ARHGAP33: variants seen among roughly 807,000 people sequenced by gnomAD.
ARHGAP33 encodes the protein rho GTPase-activating protein 33.
In ARHGAP33, 57 loss-of-function variants were observed where a neutral mutation model predicts 126.2. That is an observed-to-expected ratio of 0.45 (90% confidence interval 0.36 to 0.56). ARHGAP33 has a LOEUF of 0.56. Among genes scored for constraint, ARHGAP33 ranks in the 20% least tolerant of loss-of-function variants. ARHGAP33 has a pLI of 0.00. For missense variants in ARHGAP33, 1,500 were observed against 1,748.3 expected, an observed-to-expected ratio of 0.86 and a Z score of 2.53; for synonymous variants, 711 against 755.0, an observed-to-expected ratio of 0.94 and a Z score of 0.95.
In ARHGAP33 at chr19:35,782,318, C is replaced by A; in HGVS notation, c.1086-55C>A. 2 of 1,564,742 alleles carry A rather than the reference C, an allele frequency of 1.3e-6. No individual in the cohort carries two copies. Among genetic ancestry groups the A allele is most frequent in the Non-Finnish European group, 1.7e-6 (2 of 1,148,362 alleles). Reference sequence around the variant, plus strand: ...GGTAGGGGCAAGGGGAGCATGGCCACGTGAGCGAGCCCCTCTGACCTGGAT... The same window carrying A: ...GGTAGGGGCAAGGGGAGCATGGCCAAGTGAGCGAGCCCCTCTGACCTGGAT... On this transcript the variant is annotated intron_variant, in intron 12 of 20. Transcript: ENST00000007510. This position sits in a 1 kb window ranked among gnomAD's most constrained non-coding sequence, Gnocchi z 4.1.
rs1239682948 is a variant in ARHGAP33, at chr19:35,786,871, G to A, written c.2401G>A (p.Val801Ile). The change falls in exon 20 of 21, where the codon GTA (valine) becomes ATA (isoleucine). Residue 801 changes from valine (V) to isoleucine (I), a missense_variant. Transcript: ENST00000007510. This position sits in a 1 kb window ranked among gnomAD's most constrained non-coding sequence, Gnocchi z 7.0. ...AALDISEPLA[V>I]SVPPAVLELL... The stretch of plus-strand genomic sequence containing the variant: ...CCTAGACATCTCAGAGCCCCTGGCT[G>A]TATCAGTGCCACCCGCTGTCCTAGA... 1 of 1,604,496 alleles carries A rather than the reference G, an allele frequency of 6.2e-7. No individual in the cohort carries two copies. Among genetic ancestry groups the A allele is most frequent in the Non-Finnish European group, 8.5e-7 (1 of 1,177,616 alleles).
intron 1 of ARHGAP33, among the ~76,000 whole-genome samples, chr19:35,776,102 C>G (rs3810452): frequency 7.3e-6 from 1 of 136,928 alleles, no homozygotes; most frequent in Non-Finnish European, 1.6e-5. Flanking sequence ...CCCCACCCCC[C>G]ACCCGCTCCA....
chr19:35,788,456 C>T lies in ARHGAP33; in HGVS notation c.*27C>T. 6.7e-7 allele frequency: 1 copy of T among 1,494,712 alleles called. No homozygotes were observed. Among genetic ancestry groups the T allele is most frequent in the Non-Finnish European group, 8.9e-7 (1 of 1,120,250 alleles). 92.6% of individuals were successfully genotyped at this position (1,494,712 alleles called of 1,614,324 possible). A position where few individuals can be genotyped will look rare whatever the true frequency, so the allele number is the denominator to read the frequency against. Reference sequence around the variant, plus strand: ...CACCAGCTGGGAGGGGCCGTCCTTCCTTCCCTTCACCCTCACTGGATCTTG... The same window carrying T: ...CACCAGCTGGGAGGGGCCGTCCTTCTTTCCCTTCACCCTCACTGGATCTTG... On this transcript the variant is annotated 3_prime_UTR_variant, in exon 21 of 21. Transcript: ENST00000007510.
rs187189822 is a variant in ARHGAP33, at chr19:35,787,183, C to T, written c.2618C>T (p.Ser873Leu). 2.5e-6 allele frequency: 4 copies of T among 1,610,904 alleles called. No individual in the cohort carries two copies. Among genetic ancestry groups the T allele is most frequent in the East Asian group, 2.2e-5 (1 of 44,854 alleles). The change falls in exon 21 of 21, where the codon TCA (serine) becomes TTA (leucine). Residue 873 changes from serine (S) to leucine (L), a missense_variant. Physicochemically the swap from Ser to Leu is moderately radical, Grantham distance 145. Coordinates refer to ENST00000007510, the MANE Select transcript of ARHGAP33 (RefSeq NM_001366178.1). ...AQGPLGPDME[S>L]PLPPPPLSLL... ...ATTTATATAGGTCCTGATATGGAGT[C>T]ACCACTGCCACCCCCTCCCCTGTCT...
rs561150729 is a variant in ARHGAP33 at position 35,788,163 on chromosome 19, G to C, written c.3598G>C (p.Gly1200Arg). 10 of 1,474,568 alleles carry C rather than the reference G, an allele frequency of 6.8e-6. No homozygotes were observed. The highest frequency in any genetic ancestry group is 1.2e-5 in the South Asian group (1 of 86,260). 91.3% of individuals were successfully genotyped at this position (1,474,568 alleles called of 1,614,324 possible). ...PAHPRSRSDPGPPVPRLPQKQ... is the reference protein window; with the variant it reads ...PAHPRSRSDPRPPVPRLPQKQ... ...CCACCCCCGAAGCCGTTCAGATCCC[G>C]GTCCCCCAGTCCCCCGCCTTCCCCA... Residue 1200 changes from glycine to arginine, a missense_variant, in exon 21 of 21, where the codon GGT (glycine) becomes CGT (arginine). Gly to Arg is a moderately radical substitution (Grantham distance 125, BLOSUM62 -2). Coordinates refer to ENST00000007510, the MANE Select transcript of ARHGAP33 (RefSeq NM_001366178.1).
chr19:35,788,532 C>T lies in ARHGAP33; in HGVS notation c.*103C>T. ...TTTTCTTGAACCCCGACCACTACCC[C>T]AGGTTTCTAACTTTGTAACTTGCTT... On this transcript the variant is annotated 3_prime_UTR_variant, in exon 21 of 21. Transcript: ENST00000007510. 1 of 1,084,914 alleles carries T rather than the reference C, an allele frequency of 9.2e-7. No individual in the cohort carries two copies. Among genetic ancestry groups the T allele is most frequent in the Non-Finnish European group, 1.3e-6 (1 of 787,192 alleles). The allele number at this position is 1,084,914 out of a possible 1,614,324, so 67.2% of individuals were successfully genotyped here.
intron 5 of ARHGAP33, 199 bp downstream of exon 5, chr19:35,778,800 A>T: frequency 1.1e-6 from 1 of 946,224 alleles, no homozygotes. Context: ...GATCATGGGG[A>T]GTTCCAGGGG....
At chr19:35,780,030 C>T (rs761155079) in intron 6 of ARHGAP33, 181 bp from the exon 7 acceptor site, 13 of 874,758 alleles carry the variant, frequency 1.5e-5, no homozygotes, top group African/African-American at 4.9e-5. Context: ...TTTCCCCACC[C>T]GCAGAGGGTG....
chr19:35,776,066 C>T (rs1971441394), intron 1 of ARHGAP33, among the ~76,000 whole-genome samples: 1 of 150,786 alleles, frequency 6.6e-6, no homozygotes, highest in Non-Finnish European at 1.5e-5. Flanking sequence ...CCTCCTCCTC[C>T]CCACAGCCCC....
chr19:35,778,179 G>A (rs1971557219), intron 3 of ARHGAP33, 101 bp from the exon 4 acceptor site: 2 of 1,243,800 alleles, frequency 1.6e-6, no homozygotes, highest in East Asian at 4.7e-5. Flanking sequence ...TGTCCTCGGG[G>A]AGGTCCAGAA....
chr19:35,786,126 A>T lies in ARHGAP33; in HGVS notation c.1943-287A>T. ...CGCGCCATCCTCACACTCCTGGGGT[A>T]CTGCCCTCCCACATACCCAGGAGCC... On this transcript the variant is annotated intron_variant, in intron 19 of 20. Coordinates refer to ENST00000007510, the MANE Select transcript of ARHGAP33 (RefSeq NM_001366178.1). This position sits in a 1 kb window ranked among gnomAD's most constrained non-coding sequence, Gnocchi z 7.0. 7.7e-7 allele frequency: 1 copy of T among 1,294,236 alleles called. No homozygotes were observed. The highest frequency in any genetic ancestry group is 9.8e-7 in the Non-Finnish European group (1 of 1,021,146). The allele number at this position is 1,294,236 out of a possible 1,614,324, so 80.2% of individuals were successfully genotyped here. A position where few individuals can be genotyped will look rare whatever the true frequency, so the allele number is the denominator to read the frequency against.
Position 35,780,334 on chromosome 19 carries a change from G to A in ARHGAP33, c.624+1G>A. 6.2e-7 allele frequency: 1 copy of A among 1,613,626 alleles called. No homozygotes were observed. Among genetic ancestry groups the A allele is most frequent in the Non-Finnish European group, 8.5e-7 (1 of 1,180,006 alleles). ...GGCGCCAGATGAGCTGTCCTTTGAG[G>A]TGAGGCTGTGGGGAAGCAGATTCCA... On this transcript the variant is annotated splice_donor_variant, in intron 7 of 20. Coordinates refer to ENST00000007510, the MANE Select transcript of ARHGAP33 (RefSeq NM_001366178.1). LOFTEE classifies it high-confidence loss of function.
chr19:35,781,262 C>T lies in ARHGAP33; in HGVS notation c.1085+10C>T. 2 of 1,613,884 alleles carry T rather than the reference C, an allele frequency of 1.2e-6. No individual in the cohort carries two copies. The highest frequency in any genetic ancestry group is 2.2e-5 in the East Asian group (1 of 44,878). On this transcript the variant is annotated intron_variant, in intron 12 of 20. Transcript: ENST00000007510. ...ACATCCAGAGGCTTCGGTGAGGGCC[C>T]TTAGCCAACCCTGTCCTTCCACAGG... is the stretch of plus-strand genomic sequence containing the variant.
intron 7 of ARHGAP33, 33 bp downstream of exon 7, chr19:35,780,366 C>A (rs1417675759): frequency 3.7e-6 from 6 of 1,612,176 alleles, no homozygotes; most frequent in African/African-American, 1.3e-5. Context: ...TCCAGCTGGG[C>A]TCCCCACACC....
Position 35,777,806 on chromosome 19 carries a change from G to C in ARHGAP33, c.105-18G>C. On this transcript the variant is annotated intron_variant, in intron 2 of 20. Coordinates refer to ENST00000007510, the MANE Select transcript of ARHGAP33 (RefSeq NM_001366178.1). ...GGAGACTCAAGGAGCTGCTGGTGAC[G>C]CATCCCCTGTCTCCCAGGCTCTCAG... 6.2e-7 allele frequency: 1 copy of C among 1,614,014 alleles called. No individual in the cohort carries two copies. The highest frequency in any genetic ancestry group is 1.1e-5 in the South Asian group (1 of 91,086).
intron 1 of ARHGAP33, among the ~76,000 whole-genome samples, chr19:35,776,127 C>T (rs1599767585): frequency 7.0e-6 from 1 of 143,710 alleles, no homozygotes; most frequent in African/African-American, 2.5e-5. Context: ...CAGCCTGACC[C>T]TTTTCTTCTC....
At position 35,788,487 on chromosome 19, in the gene ARHGAP33, A is replaced by G; in HGVS notation, c.*58A>G. ...TTCACCCTCACTGGATCTTGGCCCA[A>G]CCAAATCCCTTGTTTTGTATTTTCT... is the stretch of plus-strand genomic sequence containing the variant. On this transcript the variant is annotated 3_prime_UTR_variant, in exon 21 of 21. Coordinates refer to ENST00000007510, the MANE Select transcript of ARHGAP33 (RefSeq NM_001366178.1). The G allele has an allele frequency of 7.2e-6, 10 of 1,396,872 alleles. No individual in the cohort carries two copies. The highest frequency in any genetic ancestry group is 1.5e-5 in the South Asian group (1 of 67,578). 86.5% of individuals were successfully genotyped at this position (1,396,872 alleles called of 1,614,324 possible).
chr19:35,787,215 C>A lies in ARHGAP33; in HGVS notation c.2650C>A (p.Arg884Ser). ...PLPPPPLSLL[R>S]PGGAPPPPPK... is the part of the protein sequence containing the mutation. The stretch of plus-strand genomic sequence containing the variant: ...GCCACCCCCTCCCCTGTCTCTCCTG[C>A]GCCCTGGGGGTGCCCCACCCCCGCC... The change falls in exon 21 of 21, where the codon CGC becomes AGC. Residue 884 changes from arginine to serine, a missense_variant. This residue lies in a region of ARHGAP33 where 642 missense variants were observed against 634.0 expected (regional missense o/e 1.01). Coordinates refer to ENST00000007510, the MANE Select transcript of ARHGAP33 (RefSeq NM_001366178.1). 1.9e-6 allele frequency: 3 copies of A among 1,610,780 alleles called. No homozygotes were observed. Among genetic ancestry groups the A allele is most frequent in the Non-Finnish European group, 2.5e-6 (3 of 1,178,706 alleles).
In ARHGAP33 at chr19:35,786,937, A is replaced by C. The variant is rs753505429; in HGVS notation, c.2467A>C (p.Thr823Pro). Residue 823 changes from threonine to proline, a missense_variant, in exon 20 of 21, where the codon ACA (threonine) becomes CCA (proline). Physicochemically the swap from Thr to Pro is conservative, Grantham distance 38 (BLOSUM62 -1). Transcript: ENST00000007510. This position sits in a 1 kb window ranked among gnomAD's most constrained non-coding sequence, Gnocchi z 7.0. ...GGGAGCACCTGCCTCAGCCACCCCA[A>C]CACCAGCTCTCAGCCCCGGCCGGAG... ...AGGAPASATP[T>P]PALSPGRSLR... 2 of 1,610,960 alleles carry C rather than the reference A, an allele frequency of 1.2e-6. No individual in the cohort carries two copies. The highest frequency in any genetic ancestry group is 1.1e-5 in the South Asian group (1 of 90,946).
Sources: gnomAD v4.1 joint callset for allele counts (sites outside exome capture counted in the v4.1 genomes callset) on GRCh38, gnomAD v4.1.1 for gene constraint, gnomAD v4.1.1 regional missense constraint, Gnocchi (gnomAD v3.1) non-coding constraint, MANE v1.5 for transcripts, NCBI Gene and HGNC (gene_info 2026-07-23, HGNC 2026-07-21) for gene names.